The following ZBTB7C variants were observed in gnomAD, a reference collection of about 807,000 sequenced individuals.
ZBTB7C encodes zinc finger and BTB domain containing 7C, also known as zinc finger and BTB domain-containing protein 7C.
Under a neutral mutation model 25.7 loss-of-function variants are expected in ZBTB7C, and 8 were observed. The ratio of observed to expected loss-of-function variants is 0.31; its 90% CI spans 0.18 to 0.56. The LOEUF (loss-of-function observed/expected upper bound fraction) is 0.56, where lower values mean the gene tolerates loss of function less well. ZBTB7C is among the 20% of genes least tolerant of loss of function. The pLI, the probability that ZBTB7C is intolerant of heterozygous loss-of-function variation, is 0.91. For synonymous variants in ZBTB7C, 394 were observed against 369.0 expected (o/e 1.07, Z -0.78); for missense variants, 824 against 855.2 (o/e 0.96, Z 0.46).
chr18:48,158,743 G>C (rs1442596338), intron 3 of ZBTB7C, among the ~76,000 whole-genome samples: 1 of 152,200 alleles, frequency 6.6e-6, no homozygotes, highest in African/African-American at 2.4e-5. Context: ...ACAGAAGATA[G>C]ACTCCAAAAG....
intron 3 of ZBTB7C, among the ~76,000 whole-genome samples, chr18:48,072,774 C>T (rs937084718): frequency 2.6e-5 from 4 of 152,210 alleles, no homozygotes; most frequent in Non-Finnish European, 4.4e-5. Flanking sequence ...CATTAAGAGC[C>T]GCCTGTGATG....
At position 48,335,569 on chromosome 18, in the gene ZBTB7C, G is replaced by A. The variant is rs533499735; in HGVS notation, c.-79+2605C>T. 1.9e-4 allele frequency among the ~76,000 whole-genome samples: 29 copies of A among 152,226 alleles called. No individual in the cohort carries two copies. In the South Asian group the frequency reaches 4.4e-3, roughly 23 times the overall value. ...TTCAAGAGAATGTCCCCAGGGATTCGTTATAGACATTTCATAGTAAATCCT... is the reference window on the plus strand; with the variant it reads ...TTCAAGAGAATGTCCCCAGGGATTCATTATAGACATTTCATAGTAAATCCT... On this transcript the variant is annotated intron_variant, in intron 2 of 4. Transcript: ENST00000590800.
At chr18:48,155,345 T>G (rs1291159798) in intron 3 of ZBTB7C, among the ~76,000 whole-genome samples, 1 of 96,070 alleles carries the variant, frequency 1.0e-5, no homozygotes, top group Non-Finnish European at 2.1e-5. Flanking sequence ...TTTTTTTTTT[T>G]GAGACAGAGT....
At chr18:48,184,376 G>A (rs180837211) in intron 3 of ZBTB7C, among the ~76,000 whole-genome samples, 46 of 152,306 alleles carry the variant, frequency 3.0e-4, no homozygotes, top group African/African-American at 9.6e-4. Flanking sequence ...CAGTGTGGAC[G>A]TCTTAGGCAG....
intron 4 of ZBTB7C, among the ~76,000 whole-genome samples, chr18:48,037,580 C>T (rs1446869697): frequency 1.3e-5 from 2 of 152,204 alleles, no homozygotes; most frequent in African/African-American, 4.8e-5. Context: ...GTGGACCTCA[C>T]AGAAGGCTGT....
At chr18:48,045,329 C>T (rs779597963) in intron 3 of ZBTB7C, among the ~76,000 whole-genome samples, 1 of 152,198 alleles carries the variant, frequency 6.6e-6, no homozygotes, top group Non-Finnish European at 1.5e-5. Flanking sequence ...CTCCCCTACT[C>T]TGTGTAAGTT....
chr18:48,180,305 A>G (rs1437110595), intron 3 of ZBTB7C: 1 of 455,990 alleles, frequency 2.2e-6, no homozygotes, highest in African/African-American at 2.0e-5. Flanking sequence ...CTTCTTGTTG[A>G]TAAATGTTGA....
In ZBTB7C at chr18:48,218,285, C is replaced by T. The variant is rs1029032468; in HGVS notation, c.-78-32290G>A. Among the ~76,000 whole-genome samples the T allele has an allele frequency of 2.0e-5, 3 of 152,202 alleles. No individual in the cohort carries two copies. The South Asian group carries it at 6.2e-4, about 32-fold the overall frequency. On this transcript the variant is annotated intron_variant, in intron 2 of 4. Transcript: ENST00000590800. ...CTGCAGACAATGGTGCTGCAAAGGG[C>T]CGCTGAATCAAAAGGAATGTGACTG...
At chr18:48,090,102 G>A (rs565464429) in intron 3 of ZBTB7C, among the ~76,000 whole-genome samples, 15 of 152,346 alleles carry the variant, frequency 9.8e-5, no homozygotes, top group Non-Finnish European at 1.9e-4. Context: ...ACCCATCGCG[G>A]GAAGTGCCAG....
rs191870596 is a variant in ZBTB7C, at chr18:48,164,945, G to T, written c.-17+20989C>A. Reference sequence around the variant, plus strand: ...AATGAAAATAGAGAGACACAGAAAGGTCAAGTAGCTTGACTGAGGTCACCC... The same window carrying T: ...AATGAAAATAGAGAGACACAGAAAGTTCAAGTAGCTTGACTGAGGTCACCC... On this transcript the variant is annotated intron_variant, in intron 3 of 4. Coordinates refer to ENST00000590800, the MANE Select transcript of ZBTB7C (RefSeq NM_001318841.2). Among the ~76,000 whole-genome samples the T allele has an allele frequency of 3.1e-3, 474 of 152,280 alleles. 6 individuals are homozygous for T. Among genetic ancestry groups the T allele is most frequent in the Non-Finnish European group, 9.0e-4 (61 of 68,030 alleles).
intron 3 of ZBTB7C, among the ~76,000 whole-genome samples, chr18:48,129,673 C>T (rs530970087): frequency 7.9e-5 from 12 of 152,188 alleles, no homozygotes; most frequent in African/African-American, 1.9e-4. Context: ...GGAGAGGCTC[C>T]GGGCACGGCA....
chr18:48,409,546 G>C (rs1408641366), upstream of ZBTB7C: 1 of 148,730 alleles, frequency 6.7e-6, no homozygotes, highest in Non-Finnish European at 1.5e-5. Context: ...AAAGGGCCCG[G>C]ATGTGTGCGG....
At chr18:48,361,286 C>G (rs1306213883) in intron 1 of ZBTB7C, among the ~76,000 whole-genome samples, 1 of 152,192 alleles carries the variant, frequency 6.6e-6, no homozygotes, top group Non-Finnish European at 1.5e-5. Flanking sequence ...CATGATTTCA[C>G]TTCTTCCTCA....
intron 2 of ZBTB7C, among the ~76,000 whole-genome samples, chr18:48,223,319 A>G (rs948071047): frequency 6.6e-6 from 1 of 151,992 alleles, no homozygotes; most frequent in African/African-American, 2.4e-5. Flanking sequence ...AATTCCCCCC[A>G]TACCCCTTAT....
At chr18:48,243,749 G>A (rs1350356329) in intron 2 of ZBTB7C, among the ~76,000 whole-genome samples, 2 of 152,078 alleles carry the variant, frequency 1.3e-5, no homozygotes, top group Non-Finnish European at 1.5e-5. Flanking sequence ...AAATCTGGAG[G>A]CATCACATTA....
chr18:48,034,955 C>T (rs2035911204), intron 4 of ZBTB7C, among the ~76,000 whole-genome samples: 1 of 152,210 alleles, frequency 6.6e-6, no homozygotes, highest in Non-Finnish European at 1.5e-5. Flanking sequence ...TAATGCTTTC[C>T]CAGCAGCCTC....
chr18:48,310,272 T>A lies in ZBTB7C; in HGVS notation c.-79+27902A>T, dbSNP rs566777280. On this transcript the variant is annotated intron_variant, in intron 2 of 4. Transcript: ENST00000590800. ...GTTCCTATTTTTCATTATCAAAATT[T>A]TAAAAATCACTGTTGTTATTATTAT... is the stretch of plus-strand genomic sequence containing the variant. Among the ~76,000 whole-genome samples, 430 of 152,190 alleles carry A rather than the reference T, an allele frequency of 2.8e-3. 1 individual carries two copies. The highest frequency in any genetic ancestry group is 9.3e-3 in the African/African-American group (386 of 41,518).
chr18:48,109,988 T>A (rs1164841633), intron 3 of ZBTB7C, among the ~76,000 whole-genome samples: 2 of 151,976 alleles, frequency 1.3e-5, no homozygotes, highest in African/African-American at 4.8e-5. Context: ...GACTGAGGCA[T>A]AGAGAGGTGG....
At chr18:48,296,367 TC>T (rs2045391954) in intron 2 of ZBTB7C, among the ~76,000 whole-genome samples, 1 of 152,124 alleles carries the variant, frequency 6.6e-6, no homozygotes. Context: ...CCTCTAGTGG[TC>T]CCCGCTAACC....
Sources: gnomAD v4.1 joint callset for allele counts (sites outside exome capture counted in the v4.1 genomes callset) on GRCh38, gnomAD v4.1.1 for gene constraint, MANE v1.5 for transcripts, NCBI Gene and HGNC (gene_info 2026-07-23, HGNC 2026-07-21) for gene names.